LYZ: variants seen among roughly 807,000 people sequenced by gnomAD.
The protein encoded by LYZ is lysozyme C.
LYZ carries 18 observed loss-of-function variants against 15.8 expected under a neutral mutation model. That is an observed-to-expected ratio of 1.14 (90% CI 0.79 to 1.69). LYZ has a LOEUF of 1.69. Ranked by LOEUF, LYZ falls within the 40% of genes most tolerant of loss-of-function variation. The probability of loss-of-function intolerance (pLI) is 0.00; values close to 1 mark genes in which losing one functional copy is unlikely to be tolerated. For synonymous variants in LYZ, 60 were observed against 61.7 expected (o/e 0.97, Z 0.13); for missense variants, 139 against 182.8 (o/e 0.76, Z 1.38).
At chr12:69,353,029 C>T (rs1242779283) in intron 3 of LYZ, 124 bp from the exon 4 acceptor site, 4 of 751,082 alleles carry the variant, frequency 5.3e-6, no homozygotes, top group Non-Finnish European at 9.7e-6. Context: ...ATAGCAATAG[C>T]TGGGTCTATC....
intron 1 of LYZ, among the ~76,000 whole-genome samples, chr12:69,348,770 C>G (rs1032292655): frequency 9.9e-5 from 15 of 152,120 alleles, no homozygotes; most frequent in Admixed American, 8.5e-4. Flanking sequence ...AAAACAGGAC[C>G]TGTTGTACTG....
At chr12:69,349,174 T>G (rs949843867) in intron 1 of LYZ, among the ~76,000 whole-genome samples, 2 of 152,052 alleles carry the variant, frequency 1.3e-5, no homozygotes, top group Non-Finnish European at 2.9e-5. Flanking sequence ...GCTAATTTTT[T>G]GTATTTTCAG....
At chr12:69,350,793 T>G (rs544272676) in intron 2 of LYZ, among the ~76,000 whole-genome samples, 3 of 148,448 alleles carry the variant, frequency 2.0e-5, no homozygotes, top group African/African-American at 5.0e-5. Flanking sequence ...TGTTTGGTTT[T>G]GTTTTGTTTT....
In LYZ at chr12:69,350,104, T is replaced by G. The variant is rs1379862164; in HGVS notation, c.137-4T>G. 6.2e-7 allele frequency: 1 copy of G among 1,614,028 alleles called. No individual in the cohort carries two copies. The highest frequency in any genetic ancestry group is 1.1e-5 in the South Asian group (1 of 91,080). On this transcript the variant is annotated splice_polypyrimidine_tract_variant and splice_region_variant and intron_variant, in intron 1 of 3. Transcript: ENST00000261267. Reference sequence around the variant, plus strand: ...GTTTATTACTAAAAATAAGTTCTTTTCAGGGATGTGTTTGGCCAAATGGGA... The same window carrying G: ...GTTTATTACTAAAAATAAGTTCTTTGCAGGGATGTGTTTGGCCAAATGGGA...
Position 69,350,088 on chromosome 12 carries a change from T to C in LYZ, c.137-20T>C. On this transcript the variant is annotated intron_variant, in intron 1 of 3. Transcript: ENST00000261267. Reference sequence around the variant, plus strand: ...GTCACTTAGTGTTGCTGTTTATTACTAAAAATAAGTTCTTTTCAGGGATGT... The same window carrying C: ...GTCACTTAGTGTTGCTGTTTATTACCAAAAATAAGTTCTTTTCAGGGATGT... 6.6e-5 allele frequency: 106 copies of C among 1,613,182 alleles called. No homozygotes were observed. Among genetic ancestry groups the C allele is most frequent in the Non-Finnish European group, 8.9e-5 (105 of 1,179,176 alleles).
At position 69,353,616 on chromosome 12, in the gene LYZ, G is replaced by C; in HGVS notation, c.*397G>C. On this transcript the variant is annotated 3_prime_UTR_variant, in exon 4 of 4. Transcript: ENST00000261267. ...CCATTCTCCTGCCTCAGCCTCCCGAGTAGCTGGGATTACGGGCGCCCGCCA... is the reference window on the plus strand; with the variant it reads ...CCATTCTCCTGCCTCAGCCTCCCGACTAGCTGGGATTACGGGCGCCCGCCA... The C allele has an allele frequency of 4.2e-6, 1 of 239,478 alleles. No individual in the cohort carries two copies. 14.8% of individuals were successfully genotyped at this position (239,478 alleles called of 1,614,324 possible). A position where few individuals can be genotyped will look rare whatever the true frequency, so the allele number is the denominator to read the frequency against.
At chr12:69,351,733 G>A (rs558845830) in intron 2 of LYZ, among the ~76,000 whole-genome samples, 97 of 148,244 alleles carry the variant, frequency 6.5e-4, no homozygotes, top group African/African-American at 2.1e-3. Flanking sequence ...ATACAAATCT[G>A]TATCATCATT....
intron 2 of LYZ, chr12:69,350,533 C>T: frequency 2.4e-6 from 1 of 417,294 alleles, no homozygotes; most frequent in Non-Finnish European, 4.4e-6. Context: ...ATGCTTTGTC[C>T]AGAACAATGC....
At chr12:69,352,994 T>C (rs1295535909) in intron 3 of LYZ, among the ~76,000 whole-genome samples, 159 bp from the exon 4 acceptor site, 11 of 152,258 alleles carry the variant, frequency 7.2e-5, no homozygotes, top group Admixed American at 7.2e-4. Context: ...GTGAAGTATT[T>C]TGTATACATA....
intron 1 of LYZ, 143 bp from the exon 2 acceptor site, chr12:69,349,965 A>T: frequency 1.4e-6 from 1 of 696,384 alleles, no homozygotes; most frequent in Admixed American, 2.4e-5. Context: ...TCTTAACACT[A>T]AAGTGCTAAG....
intron 2 of LYZ, among the ~76,000 whole-genome samples, chr12:69,351,778 T>G (rs1482015678): frequency 6.6e-6 from 1 of 152,338 alleles, no homozygotes; most frequent in Non-Finnish European, 1.5e-5. Context: ...TATATGAATA[T>G]TCTATAATTT....
chr12:69,353,450 T>C lies in LYZ; in HGVS notation c.*231T>C. ...CAAATAGAACTAATACTGGTGAAAATTTACCTAAAACCTTGGTTATCAAAT... is the reference window on the plus strand; with the variant it reads ...CAAATAGAACTAATACTGGTGAAAACTTACCTAAAACCTTGGTTATCAAAT... On this transcript the variant is annotated 3_prime_UTR_variant, in exon 4 of 4. Coordinates refer to ENST00000261267, the MANE Select transcript of LYZ (RefSeq NM_000239.3). 1 of 589,152 alleles carries C rather than the reference T, an allele frequency of 1.7e-6. No homozygotes were observed. Among genetic ancestry groups the C allele is most frequent in the South Asian group, 2.0e-5 (1 of 50,146 alleles). 36.5% of individuals were successfully genotyped at this position (589,152 alleles called of 1,614,324 possible).
chr12:69,352,360 G>A (rs962442336), intron 3 of LYZ, 62 bp downstream of exon 3: 1 of 1,398,726 alleles, frequency 7.1e-7, no homozygotes, highest in Non-Finnish European at 1.0e-6. Context: ...TACAATGAGA[G>A]CAGACTTTTA....
chr12:69,348,597 T>G, intron 1 of LYZ, 53 bp downstream of exon 1: 1 of 1,603,794 alleles, frequency 6.2e-7, no homozygotes, highest in Non-Finnish European at 8.5e-7. Flanking sequence ...GAACAGACAC[T>G]AGGAGAGAAG....
At chr12:69,350,333 A>G (rs757488716) in intron 2 of LYZ, 61 bp downstream of exon 2, 62 of 1,570,958 alleles carry the variant, frequency 3.9e-5, no homozygotes, top group Non-Finnish European at 5.0e-5. Flanking sequence ...ACTCAATACA[A>G]ATGAAAAAGC....
chr12:69,348,989 TTTTTATTTTTA>T (rs1874784269), intron 1 of LYZ, among the ~76,000 whole-genome samples: 1 of 72,470 alleles, frequency 1.4e-5, no homozygotes, highest in Non-Finnish European at 2.5e-5. Flanking sequence ...GGGATTTTTA[TTTTTATTTTTA>T]TTTTATTTTA....
chr12:69,350,133 TG>T lies in LYZ; in HGVS notation c.164del (p.Gly55ValfsTer57). ...NWMCLAKWESGYNTRATNYNA... is the reference protein window; with the variant it reads ...NWMCLAKWESXYNTRATNYNA... ...GGATGTGTTTGGCCAAATGGGAGAG[TG>T]GTTACAACACACGAGCTACAAACTA... On this transcript the variant is annotated frameshift_variant, in exon 2 of 4. Transcript: ENST00000261267. LOFTEE classifies it high-confidence loss of function. 1 of 1,613,802 alleles carries T rather than the reference TG, an allele frequency of 6.2e-7. No homozygotes were observed. Among genetic ancestry groups the T allele is most frequent in the Non-Finnish European group, 8.5e-7 (1 of 1,179,942 alleles).
rs1874894910 is a variant in LYZ, at chr12:69,353,574, C to T, written c.*355C>T. ...CGCAATCTCGGCTCACTGCAACCTC[C>T]ACCTCCCGGGTTCACGCCATTCTCC... On this transcript the variant is annotated 3_prime_UTR_variant, in exon 4 of 4. Transcript: ENST00000261267. The T allele has an allele frequency of 1.4e-5, 4 of 286,280 alleles. No individual in the cohort carries two copies. Among genetic ancestry groups the T allele is most frequent in the South Asian group, 9.9e-5 (3 of 30,456 alleles). 17.7% of individuals were successfully genotyped at this position (286,280 alleles called of 1,614,324 possible).
At chr12:69,352,384 G>A (rs1190947997) in intron 3 of LYZ, 86 bp downstream of exon 3, 2 of 1,032,350 alleles carry the variant, frequency 1.9e-6, no homozygotes, top group South Asian at 1.3e-5. Context: ...ACCAAAGTAT[G>A]CTAATGACAC....
Sources: allele counts gnomAD v4.1 joint callset (sites outside exome capture counted in the v4.1 genomes callset), GRCh38; gene constraint gnomAD v4.1.1; transcripts MANE v1.5; gene names NCBI Gene and HGNC (gene_info 2026-07-23, HGNC 2026-07-21).